FOXP1: variants seen among roughly 807,000 people sequenced by gnomAD.
The protein encoded by FOXP1 is forkhead box P1.
A neutral mutation model predicts 98.2 loss-of-function variants in FOXP1; 15 were observed. The ratio of observed to expected loss-of-function variants is 0.15; its 90% CI spans 0.10 to 0.24. FOXP1 has a LOEUF of 0.24. Among genes scored for constraint, FOXP1 ranks in the 10% least tolerant of loss-of-function variants. The pLI is 1.00. For missense variants in FOXP1, 633 were observed against 848.5 expected (o/e 0.75, Z 3.15); for synonymous variants, 371 against 314.5 (o/e 1.18, Z -1.90).
rs143904399 is a variant in FOXP1 at position 71,347,729 on chromosome 3, T to C, written c.-73+11421A>G. 5.9e-4 allele frequency among the ~76,000 whole-genome samples: 90 copies of C among 152,018 alleles called. No homozygotes were observed. The East Asian group carries it at 0.016, about 28-fold the overall frequency. ...AGAGAAACCCCGTCTCTACTAAAAA[T>C]ACAAAATTAGCCAGGCGTGGTGACC... On this transcript the variant is annotated intron_variant, in intron 4 of 20. Coordinates refer to ENST00000649528, the MANE Select transcript of FOXP1 (RefSeq NM_001349338.3).
intron 4 of FOXP1, among the ~76,000 whole-genome samples, chr3:71,326,883 C>G (rs1291623756): frequency 6.6e-6 from 1 of 152,008 alleles, no homozygotes; most frequent in Non-Finnish European, 1.5e-5. Context: ...AGACAATAAT[C>G]CAAACTATAA....
intron 6 of FOXP1, among the ~76,000 whole-genome samples, chr3:71,146,589 T>C (rs2060318512): frequency 6.6e-6 from 1 of 152,190 alleles, no homozygotes; most frequent in Non-Finnish European, 1.5e-5. Context: ...TAATAATAAA[T>C]TGCATGTAGC....
At chr3:71,476,657 AT>A (rs55733297) in intron 3 of FOXP1, among the ~76,000 whole-genome samples, 40,537 of 134,410 alleles carry the variant, frequency 0.3, 5,667 homozygotes, top group Non-Finnish European at 0.38. Flanking sequence ...TGCCCAGCTA[AT>A]TTTTTTTTTT....
Position 71,580,172 on chromosome 3 carries a change from CAA to C in FOXP1, c.-298+1375_-298+1376del, listed in dbSNP as rs78002378. Among the ~76,000 whole-genome samples, 518 of 127,736 alleles carry C rather than the reference CAA, an allele frequency of 4.1e-3. 2 individuals are homozygous for C. Among genetic ancestry groups the C allele is most frequent in the Non-Finnish European group, 6.2e-3 (382 of 61,312 alleles). The allele number at this position is 127,736 out of a possible 152,430, so 83.8% of individuals were successfully genotyped here. A position where few individuals can be genotyped will look rare whatever the true frequency, so the allele number is the denominator to read the frequency against. The stretch of plus-strand genomic sequence containing the variant: ...TTGGAGGCTGTTTACTTTACTTTTC[CAA>C]AAAAAAAAAAAAAGTGATTTTTTTT... On this transcript the variant is annotated intron_variant, in intron 2 of 20. Coordinates refer to ENST00000649528, the MANE Select transcript of FOXP1 (RefSeq NM_001349338.3).
At chr3:71,030,293 T>A (rs1470697439) in intron 11 of FOXP1, among the ~76,000 whole-genome samples, 1 of 152,170 alleles carries the variant, frequency 6.6e-6, no homozygotes, top group African/African-American at 2.4e-5. Context: ...CGCAGCCAAA[T>A]ATCTTCTATG....
chr3:71,459,931 C>CG lies in FOXP1; in HGVS notation c.-168+33494_-168+33495insC, dbSNP rs1334419290. On this transcript the variant is annotated intron_variant, in intron 3 of 20. Transcript: ENST00000649528. ...AAAATAATATATCAGGCCCCATCTT[C>CG]TTTTTTTTTTTTCTTTTTTTAAGAT... Among the ~76,000 whole-genome samples, 918 of 137,030 alleles carry CG rather than the reference C, an allele frequency of 6.7e-3. 24 individuals carry two copies. The highest frequency in any genetic ancestry group is 9.2e-3 in the Non-Finnish European group (570 of 61,834). 89.9% of individuals were successfully genotyped at this position (137,030 alleles called of 152,430 possible). A position where few individuals can be genotyped will look rare whatever the true frequency, so the allele number is the denominator to read the frequency against.
chr3:71,197,424 AC>A (rs1413320893), intron 6 of FOXP1, among the ~76,000 whole-genome samples: 1 of 152,236 alleles, frequency 6.6e-6, no homozygotes, highest in Non-Finnish European at 1.5e-5. Flanking sequence ...CAACACTTTG[AC>A]AACAGAACAC....
chr3:71,337,160 G>T (rs1398865041), intron 4 of FOXP1, among the ~76,000 whole-genome samples: 12 of 152,160 alleles, frequency 7.9e-5, no homozygotes, highest in Admixed American at 4.6e-4. Context: ...TTTTTGGAAA[G>T]GGCTGTGAGT....
At chr3:71,112,696 T>TA in intron 6 of FOXP1, 59 bp from the exon 7 acceptor site, 2 of 1,283,414 alleles carry the variant, frequency 1.6e-6, no homozygotes, top group East Asian at 2.3e-5. Context: ...GGACTCTTCA[T>TA]AAAAAAGGAT....
chr3:71,457,519 A>G (rs947359442), intron 3 of FOXP1, among the ~76,000 whole-genome samples: 3 of 152,230 alleles, frequency 2.0e-5, no homozygotes, highest in African/African-American at 7.2e-5. Context: ...ATGAAATTAA[A>G]GCAACAACTT....
chr3:71,103,127 G>A (rs137908682), intron 7 of FOXP1, among the ~76,000 whole-genome samples: 1 of 152,266 alleles, frequency 6.6e-6, no homozygotes, highest in African/African-American at 2.4e-5. Flanking sequence ...TGTCAGGGTA[G>A]GGGGTTGCAG....
chr3:71,108,498 GCTCATGC>G (rs1051154242), intron 7 of FOXP1, among the ~76,000 whole-genome samples: 3 of 152,224 alleles, frequency 2.0e-5, no homozygotes, highest in African/African-American at 7.2e-5. Context: ...GGGCACAGTG[GCTCATGC>G]CTGTAATCCT....
chr3:71,383,754 G>A (rs1265879185), intron 3 of FOXP1, among the ~76,000 whole-genome samples: 1 of 152,140 alleles, frequency 6.6e-6, no homozygotes, highest in Non-Finnish European at 1.5e-5. Flanking sequence ...GGTTTGGAAG[G>A]AAATGGTGAG....
At chr3:71,348,516 TGTGTGC>T (rs748213728) in intron 4 of FOXP1, among the ~76,000 whole-genome samples, 10,770 of 47,494 alleles carry the variant, frequency 0.23, 542 homozygotes, top group East Asian at 0.44. Flanking sequence ...AGTGTGTGTG[TGTGTGC>T]GTGTGTGTGT....
intron 6 of FOXP1, among the ~76,000 whole-genome samples, chr3:71,157,088 G>A (rs1273373258): frequency 1.3e-5 from 2 of 152,246 alleles, no homozygotes; most frequent in Non-Finnish European, 2.9e-5. Flanking sequence ...AAGCAAAGCA[G>A]ATGATGCCAC....
At chr3:71,312,469 G>A (rs759309041) in intron 4 of FOXP1, among the ~76,000 whole-genome samples, 2 of 152,218 alleles carry the variant, frequency 1.3e-5, no homozygotes, top group South Asian at 2.1e-4. Flanking sequence ...AGGTGGACCA[G>A]AAAGATGAAC....
chr3:71,489,545 G>A (rs6549392), intron 3 of FOXP1, among the ~76,000 whole-genome samples: 1 of 152,156 alleles, frequency 6.6e-6, no homozygotes, highest in East Asian at 1.9e-4. Flanking sequence ...GCTAACTGCC[G>A]ATTAAATATG....
At chr3:71,254,409 C>A (rs1285881529) in intron 5 of FOXP1, among the ~76,000 whole-genome samples, 4 of 152,166 alleles carry the variant, frequency 2.6e-5, no homozygotes, top group Non-Finnish European at 5.9e-5. Flanking sequence ...GTATTGTGGA[C>A]CGGCATTTGC....
intron 2 of FOXP1, among the ~76,000 whole-genome samples, chr3:71,511,615 A>G (rs1033849052): frequency 2.0e-5 from 3 of 152,176 alleles, no homozygotes; most frequent in Non-Finnish European, 2.9e-5. Flanking sequence ...TATGCACTCA[A>G]TTGGTGGCCC....
Sources: gnomAD v4.1 joint callset for allele counts (sites outside exome capture counted in the v4.1 genomes callset) on GRCh38, gnomAD v4.1.1 for gene constraint, MANE v1.5 for transcripts, NCBI Gene and HGNC (gene_info 2026-07-23, HGNC 2026-07-21) for gene names.